The following WDFY3 variants were observed in gnomAD, a reference collection of about 807,000 sequenced individuals.
The protein encoded by WDFY3 is WD repeat and FYVE domain containing 3, also known as WD repeat and FYVE domain-containing protein 3.
WDFY3 carries 66 observed loss-of-function variants against 409.6 expected under a neutral mutation model. The observed-to-expected ratio is 0.16, with a 90% CI of 0.13 to 0.20. The LOEUF is 0.20. WDFY3 is among the 10% of genes least tolerant of loss of function. The probability of loss-of-function intolerance (pLI) is 1.00; values close to 1 mark genes in which losing one functional copy is unlikely to be tolerated. For missense variants in WDFY3, 3,031 were observed against 4,298.1 expected, an observed-to-expected ratio of 0.71 and a Z score of 8.24; for synonymous variants, 1,521 against 1,537.1, an observed-to-expected ratio of 0.99 and a Z score of 0.25.
intron 2 of WDFY3, among the ~76,000 whole-genome samples, chr4:84,913,670 T>G (rs550572453): frequency 6.6e-6 from 1 of 151,800 alleles, no homozygotes; most frequent in Non-Finnish European, 1.5e-5. Flanking sequence ...TTTTATGACA[T>G]GGACTCTTCT....
At chr4:84,964,217 C>T (rs542451611) in intron 1 of WDFY3, among the ~76,000 whole-genome samples, 103 of 152,282 alleles carry the variant, frequency 6.8e-4, no homozygotes, top group African/African-American at 2.4e-3. Flanking sequence ...TCTGTAATCC[C>T]AGCACTTAGA....
chr4:84,719,080 T>G (rs1734426232), intron 47 of WDFY3, among the ~76,000 whole-genome samples: 1 of 152,232 alleles, frequency 6.6e-6, no homozygotes, highest in Admixed American at 6.5e-5. Flanking sequence ...TGTCTTTTTT[T>G]GTAAGTTTCT....
chr4:84,753,868 T>C lies in WDFY3; in HGVS notation c.5568A>G (p.Gln1856=). 1 of 1,590,844 alleles carries C rather than the reference T, an allele frequency of 6.3e-7. No homozygotes were observed. The highest frequency in any genetic ancestry group is 8.5e-7 in the Non-Finnish European group (1 of 1,170,740). The change falls in exon 35 of 68, where the codon CAA becomes CAG. Residue 1856 remains glutamine (Q), a synonymous_variant. Coordinates refer to ENST00000295888, the MANE Select transcript of WDFY3 (RefSeq NM_014991.6). ...MLRSMLTSPW[Q]SEEEGSWLRE... Reference sequence around the variant, plus strand: ...GGAGCCAAGATCCCTCTTCTTCTGATTGCCAAGGCTGTTATGGGGACATGA... The same window carrying C: ...GGAGCCAAGATCCCTCTTCTTCTGACTGCCAAGGCTGTTATGGGGACATGA...
chr4:84,779,312 G>A (rs1746101644), intron 26 of WDFY3, among the ~76,000 whole-genome samples: 1 of 152,130 alleles, frequency 6.6e-6, no homozygotes, highest in African/African-American at 2.4e-5. Context: ...TAAACTTGCA[G>A]AAGGCATTTG....
At chr4:84,723,219 A>G (rs1735112545) in intron 46 of WDFY3, among the ~76,000 whole-genome samples, 1 of 152,232 alleles carries the variant, frequency 6.6e-6, no homozygotes, top group African/African-American at 2.4e-5. Flanking sequence ...GAACAGTTTC[A>G]GTGATTTCAT....
At chr4:84,699,180 C>G (rs1269619764) in intron 56 of WDFY3, among the ~76,000 whole-genome samples, 1 of 152,070 alleles carries the variant, frequency 6.6e-6, no homozygotes, top group Non-Finnish European at 1.5e-5. Context: ...TTATCACCAC[C>G]AAAGTAATCT....
intron 57 of WDFY3, 150 bp downstream of exon 57, chr4:84,696,582 C>G: frequency 1.5e-6 from 1 of 655,514 alleles, no homozygotes; most frequent in South Asian, 2.2e-5. Flanking sequence ...CAGGCATCAA[C>G]TGGGGTTCTT....
intron 33 of WDFY3, among the ~76,000 whole-genome samples, chr4:84,756,649 T>C (rs375954478): frequency 2.0e-5 from 3 of 147,578 alleles, no homozygotes; most frequent in African/African-American, 7.4e-5. Flanking sequence ...ATAAATCATA[T>C]AACAAAAGAG....
chr4:84,858,134 T>C (rs925708346), intron 4 of WDFY3, among the ~76,000 whole-genome samples: 1 of 152,144 alleles, frequency 6.6e-6, no homozygotes, highest in Non-Finnish European at 1.5e-5. Flanking sequence ...CAATAATAGA[T>C]ACAATAATAA....
Position 84,850,928 on chromosome 4 carries a change from G to GTTTTTTTTTTTTTTTTTTTTTTTTTTT in WDFY3, c.181-930_181-904dup, listed in dbSNP as rs869074191. Among the ~76,000 whole-genome samples the GTTTTTTTTTTTTTTTTTTTTTTTTTTT allele has an allele frequency of 6.5e-4, 30 of 46,246 alleles. 5 individuals are homozygous for GTTTTTTTTTTTTTTTTTTTTTTTTTTT. The highest frequency in any genetic ancestry group is 9.3e-4 in the Non-Finnish European group (24 of 25,878). The allele number at this position is 46,246 out of a possible 152,430, so 30.3% of individuals were successfully genotyped here. A position where few individuals can be genotyped will look rare whatever the true frequency, so the allele number is the denominator to read the frequency against. ...TTCTTATTTTTAATTTTATTTATCT[G>GTTTTTTTTTTTTTTTTTTTTTTTTTTT]TTTTTTTTTTTTTTTTTTTTTTTTT... On this transcript the variant is annotated intron_variant, in intron 4 of 67. Transcript: ENST00000295888.
intron 45 of WDFY3, among the ~76,000 whole-genome samples, chr4:84,725,070 A>G (rs1183673022): frequency 6.6e-6 from 1 of 152,172 alleles, no homozygotes; most frequent in Non-Finnish European, 1.5e-5. Flanking sequence ...AAATACTTGG[A>G]GGTAGAGACT....
chr4:84,844,465 T>C, intron 5 of WDFY3: 2 of 1,289,742 alleles, frequency 1.6e-6, no homozygotes, highest in East Asian at 5.5e-5. Context: ...CCTGAAGGTG[T>C]TGTGGCTTTG....
intron 1 of WDFY3, among the ~76,000 whole-genome samples, chr4:84,947,727 A>C (rs868360950): frequency 6.0e-5 from 9 of 148,798 alleles, no homozygotes; most frequent in Admixed American, 1.3e-4. Flanking sequence ...AAAAAAAAAA[A>C]AAACATTAGC....
chr4:84,772,987 AACAAAGT>A, intron 29 of WDFY3, 58 bp from the exon 30 acceptor site: 2 of 1,346,554 alleles, frequency 1.5e-6, no homozygotes, highest in East Asian at 5.2e-5. Flanking sequence ...CAAAACAAAC[AACAAAGT>A]ACAAAGAAAC....
intron 1 of WDFY3, among the ~76,000 whole-genome samples, chr4:84,935,692 C>A (rs1771318547): frequency 6.6e-6 from 1 of 152,134 alleles, no homozygotes; most frequent in Non-Finnish European, 1.5e-5. Context: ...AGAAAACTGG[C>A]AACAGCAAGT....
intron 2 of WDFY3, among the ~76,000 whole-genome samples, chr4:84,914,549 G>A (rs1273543050): frequency 1.3e-5 from 2 of 152,274 alleles, no homozygotes; most frequent in South Asian, 4.1e-4. Context: ...AGTTGCTCAA[G>A]GGTCAACTGT....
chr4:84,713,527 T>C (rs941743781), intron 50 of WDFY3, among the ~76,000 whole-genome samples: 1 of 152,216 alleles, frequency 6.6e-6, no homozygotes. Flanking sequence ...AGTTTTGGGT[T>C]ACCAATCAAC....
Position 84,717,095 on chromosome 4 carries a change from T to G in WDFY3, c.7755-79A>C, listed in dbSNP as rs563319722. On this transcript the variant is annotated intron_variant, in intron 48 of 67. Coordinates refer to ENST00000295888, the MANE Select transcript of WDFY3 (RefSeq NM_014991.6). ...CTGTTCCATAAAGGGCGTGCTAATT[T>G]TAAACACATGAACAGGATGGAGGAG... 272 of 1,408,920 alleles carry G rather than the reference T, an allele frequency of 1.9e-4. 2 individuals are homozygous for G. The African/African-American group carries it at 3.4e-3, about 18-fold the overall frequency. 87.3% of individuals were successfully genotyped at this position (1,408,920 alleles called of 1,614,324 possible).
intron 12 of WDFY3, among the ~76,000 whole-genome samples, chr4:84,817,994 A>G (rs1033413550): frequency 6.6e-6 from 1 of 152,204 alleles, no homozygotes; most frequent in African/African-American, 2.4e-5. Flanking sequence ...AAGGAATGGA[A>G]TAAATTATTC....
Sources: gnomAD v4.1 joint callset for allele counts (sites outside exome capture counted in the v4.1 genomes callset) on GRCh38, gnomAD v4.1.1 for gene constraint, MANE v1.5 for transcripts, NCBI Gene and HGNC (gene_info 2026-07-23, HGNC 2026-07-21) for gene names.